The following PTPRR variants were observed in gnomAD, a reference collection of about 807,000 sequenced individuals.
PTPRR encodes the protein protein tyrosine phosphatase receptor type R.
In PTPRR, 38 loss-of-function variants were observed where a neutral mutation model predicts 77.2. The ratio of observed to expected loss-of-function variants is 0.49; its 90% CI spans 0.38 to 0.65. The LOEUF (loss-of-function observed/expected upper bound fraction) is 0.65, where lower values mean the gene tolerates loss of function less well. PTPRR is among the 30% of genes least tolerant of loss of function. PTPRR has a pLI of 0.00. For synonymous variants in PTPRR, 299 were observed against 283.1 expected (o/e 1.06, Z -0.57); for missense variants, 744 against 799.2 (o/e 0.93, Z 0.83).
At chr12:70,731,121 GGAGA>G (rs143001497) in intron 6 of PTPRR, among the ~76,000 whole-genome samples, 3 of 64,120 alleles carry the variant, frequency 4.7e-5, no homozygotes, top group East Asian at 5.1e-4. Flanking sequence ...GAAGGAGGAA[GGAGA>G]GAGAGAGGAA....
intron 2 of PTPRR, among the ~76,000 whole-genome samples, 199 bp from the exon 3 acceptor site, chr12:70,764,977 G>A (rs1050180389): frequency 6.6e-6 from 1 of 152,176 alleles, no homozygotes; most frequent in Non-Finnish European, 1.5e-5. Context: ...TAGGAACATT[G>A]CATGTGAAAT....
At chr12:70,685,803 A>G (rs1887847292) in intron 8 of PTPRR, among the ~76,000 whole-genome samples, 1 of 152,208 alleles carries the variant, frequency 6.6e-6, no homozygotes, top group Non-Finnish European at 1.5e-5. Context: ...TATATCATTT[A>G]ATTTTCTTGT....
chr12:70,896,447 T>C lies in PTPRR; in HGVS notation c.59-3470A>G, dbSNP rs192402502. Among the ~76,000 whole-genome samples, 250 of 151,784 alleles carry C rather than the reference T, an allele frequency of 1.6e-3. 2 individuals are homozygous for C. The Middle Eastern group carries it at 0.017, about 10-fold the overall frequency. On this transcript the variant is annotated intron_variant, in intron 1 of 13. Coordinates refer to ENST00000283228, the MANE Select transcript of PTPRR (RefSeq NM_002849.4). ...AATACACAATCTTTTCACGTTCTTATGGGGTATTCATCTAGACAGATCATA... is the reference window on the plus strand; with the variant it reads ...AATACACAATCTTTTCACGTTCTTACGGGGTATTCATCTAGACAGATCATA...
chr12:70,703,441 G>A (rs757224208), intron 6 of PTPRR, among the ~76,000 whole-genome samples: 4 of 152,020 alleles, frequency 2.6e-5, no homozygotes, highest in Non-Finnish European at 5.9e-5. Flanking sequence ...TTCTTATTTG[G>A]TTTTTGGTGG....
chr12:70,842,983 G>A (rs1047162882), intron 2 of PTPRR, among the ~76,000 whole-genome samples: 3 of 152,134 alleles, frequency 2.0e-5, no homozygotes, highest in African/African-American at 4.8e-5. Context: ...GCACTACTTA[G>A]ATATCTTAAG....
rs61539990 is a variant in PTPRR at position 70,821,213 on chromosome 12, C to CTTTTTTTTTTTTTTTTTTTTTTTTTTTT, written c.358-56463_358-56436dup. The stretch of plus-strand genomic sequence containing the variant: ...CAAAACATGTTGAAAGGGATCACTG[C>CTTTTTTTTTTTTTTTTTTTTTTTTTTTT]TTTTTTTTTTTTTTTTTTTTTTTTT... On this transcript the variant is annotated intron_variant, in intron 2 of 13. Coordinates refer to ENST00000283228, the MANE Select transcript of PTPRR (RefSeq NM_002849.4). 6.3e-4 allele frequency among the ~76,000 whole-genome samples: 20 copies of CTTTTTTTTTTTTTTTTTTTTTTTTTTTT among 31,990 alleles called. 6 individuals carry two copies. Among genetic ancestry groups the CTTTTTTTTTTTTTTTTTTTTTTTTTTTT allele is most frequent in the East Asian group, 2.3e-3 (1 of 438 alleles). The allele number at this position is 31,990 out of a possible 152,430, so 21.0% of individuals were successfully genotyped here. A position where few individuals can be genotyped will look rare whatever the true frequency, so the allele number is the denominator to read the frequency against.
At chr12:70,772,777 G>A (rs1891007275) in intron 2 of PTPRR, among the ~76,000 whole-genome samples, 1 of 152,136 alleles carries the variant, frequency 6.6e-6, no homozygotes, top group African/African-American at 2.4e-5. Flanking sequence ...ATTTGCTTCT[G>A]GGGAGGAGAA....
At chr12:70,834,912 T>C (rs1420869816) in intron 2 of PTPRR, among the ~76,000 whole-genome samples, 1 of 152,144 alleles carries the variant, frequency 6.6e-6, no homozygotes, top group Non-Finnish European at 1.5e-5. Flanking sequence ...ACAATATGTC[T>C]ACGATTAGTT....
chr12:70,845,494 T>C (rs1369747011), intron 2 of PTPRR, among the ~76,000 whole-genome samples: 1 of 152,168 alleles, frequency 6.6e-6, no homozygotes, highest in Non-Finnish European at 1.5e-5. Context: ...ATAACATTTA[T>C]AGTGCTTTTT....
rs547447579 is a variant in PTPRR, at chr12:70,735,920, A to C, written c.1007+9898T>G. ...ATTACAGCAGCACGGGCAGCAGCTTAGTGCAGGCATGACCATGTGCTTCTC... is the reference window on the plus strand; with the variant it reads ...ATTACAGCAGCACGGGCAGCAGCTTCGTGCAGGCATGACCATGTGCTTCTC... On this transcript the variant is annotated intron_variant, in intron 6 of 13. Transcript: ENST00000283228. 2.6e-5 allele frequency among the ~76,000 whole-genome samples: 4 copies of C among 152,306 alleles called. No homozygotes were observed. The East Asian group carries it at 7.7e-4, about 29-fold the overall frequency.
chr12:70,669,735 A>G (rs1887148750), intron 10 of PTPRR, among the ~76,000 whole-genome samples: 1 of 151,788 alleles, frequency 6.6e-6, no homozygotes, highest in African/African-American at 2.4e-5. Context: ...TGGCTTGTTT[A>G]TTTATTCCTA....
intron 1 of PTPRR, among the ~76,000 whole-genome samples, chr12:70,906,128 A>G (rs1893617785): frequency 6.6e-6 from 1 of 152,040 alleles, no homozygotes; most frequent in South Asian, 2.1e-4. Flanking sequence ...AGAGGAAAGA[A>G]TTAAGAAATA....
chr12:70,914,428 A>G (rs1893744621), intron 1 of PTPRR, among the ~76,000 whole-genome samples: 1 of 152,194 alleles, frequency 6.6e-6, no homozygotes, highest in African/African-American at 2.4e-5. Context: ...ATCACAAGAT[A>G]TTATGTGAGA....
intron 4 of PTPRR, among the ~76,000 whole-genome samples, chr12:70,755,870 C>G (rs1197283453): frequency 6.6e-6 from 1 of 151,974 alleles, no homozygotes; most frequent in East Asian, 1.9e-4. Context: ...TTTTAAATTC[C>G]AATGTCTCTA....
At chr12:70,840,572 A>G (rs552432944) in intron 2 of PTPRR, among the ~76,000 whole-genome samples, 3 of 152,292 alleles carry the variant, frequency 2.0e-5, no homozygotes, top group South Asian at 2.1e-4. Context: ...TTCTGATTCT[A>G]TAATAGCTAG....
rs1183460228 is a variant in PTPRR at position 70,789,263 on chromosome 12, TAATAA to T, written c.358-24490_358-24486del. ...TACCCTAAAACTTAAAGTATAATAA[TAATAA>T]AATAAAATAAAAATATTAAATACTC... On this transcript the variant is annotated intron_variant, in intron 2 of 13. Transcript: ENST00000283228. Among the ~76,000 whole-genome samples, 7 of 151,978 alleles carry T rather than the reference TAATAA, an allele frequency of 4.6e-5. No individual in the cohort carries two copies. In the East Asian group the frequency reaches 9.7e-4, roughly 21 times the overall value.
chr12:70,680,094 A>C (rs1887599881), intron 10 of PTPRR, among the ~76,000 whole-genome samples: 1 of 152,186 alleles, frequency 6.6e-6, no homozygotes, highest in Non-Finnish European at 1.5e-5. Context: ...CTTATGTAAA[A>C]AGAACTTAGA....
At chr12:70,859,378 A>T (rs1236777775) in intron 2 of PTPRR, among the ~76,000 whole-genome samples, 1 of 152,044 alleles carries the variant, frequency 6.6e-6, no homozygotes, top group African/African-American at 2.4e-5. Context: ...TCTAATATGT[A>T]TCCAGGGTTG....
rs181870142 is a variant in PTPRR, at chr12:70,792,989, A to G, written c.358-28211T>C. On this transcript the variant is annotated intron_variant, in intron 2 of 13. Coordinates refer to ENST00000283228, the MANE Select transcript of PTPRR (RefSeq NM_002849.4). ...TAGTGAAATCATTAATGATCTACTAAAAGTTTATTGAGACAATGTACCAAA... is the reference window on the plus strand; with the variant it reads ...TAGTGAAATCATTAATGATCTACTAGAAGTTTATTGAGACAATGTACCAAA... Among the ~76,000 whole-genome samples the G allele has an allele frequency of 1.4e-4, 22 of 152,302 alleles. No individual in the cohort carries two copies. The East Asian group carries it at 2.3e-3, about 16-fold the overall frequency.
Sources: gnomAD v4.1 joint callset for allele counts (sites outside exome capture counted in the v4.1 genomes callset) on GRCh38, gnomAD v4.1.1 for gene constraint, MANE v1.5 for transcripts, NCBI Gene and HGNC (gene_info 2026-07-23, HGNC 2026-07-21) for gene names.